Variants in FGFR3 observed in about 807,000 individuals in gnomAD.
FGFR3 encodes the protein fibroblast growth factor receptor 3, also known as FGFR-3.
In FGFR3, 25 loss-of-function variants were observed where a neutral mutation model predicts 82.9. The observed-to-expected ratio is 0.30, with a 90% CI of 0.22 to 0.42. FGFR3 has a LOEUF of 0.42. Ranked by LOEUF, FGFR3 falls within the 10% of genes least tolerant of loss-of-function variation. The probability of loss-of-function intolerance (pLI) is 1.00; values close to 1 mark genes in which losing one functional copy is unlikely to be tolerated. For synonymous variants in FGFR3, 620 were observed against 516.0 expected (o/e 1.20, Z -2.73); for missense variants, 1,026 against 1,161.0 (o/e 0.88, Z 1.69).
In FGFR3 at chr4:1,805,472, G is replaced by A; in HGVS notation, c.1530G>A (p.Leu510=). Residue 510 remains leucine, a synonymous_variant, in exon 11 of 18, where the codon CTG becomes CTA. Coordinates refer to ENST00000440486, the MANE Select transcript of FGFR3 (RefSeq NM_000142.5). ...CTGTCACCGTAGCCGTGAAGATGCT[G>A]AAAGGTGAGGAGGGGGCGGCCAGGG... ...AKPVTVAVKM[L]KDDATDKDLS... 1 of 1,612,222 alleles carries A rather than the reference G, an allele frequency of 6.2e-7. No homozygotes were observed. The highest frequency in any genetic ancestry group is 8.5e-7 in the Non-Finnish European group (1 of 1,179,510).
chr4:1,806,354 C>T (rs2108809633), intron 15 of FGFR3, 27 bp downstream of exon 15: 1 of 1,612,594 alleles, frequency 6.2e-7, no homozygotes, highest in South Asian at 1.1e-5. Context: ...GCTCAGGCTT[C>T]AGGGGTGGAG....
At position 1,807,879 on chromosome 4, in the gene FGFR3, A is replaced by G; in HGVS notation, c.*617A>G. On this transcript the variant is annotated 3_prime_UTR_variant, in exon 18 of 18. Coordinates refer to ENST00000440486, the MANE Select transcript of FGFR3 (RefSeq NM_000142.5). ...AACTAGTGTACATTTCTATAAATAG[A>G]TGCTGTGTATATGGTATATATACAT... The G allele has an allele frequency of 2.4e-6, 1 of 423,548 alleles. No homozygotes were observed. 26.2% of individuals were successfully genotyped at this position (423,548 alleles called of 1,614,324 possible).
At chr4:1,803,229 C>G (rs868728643) in intron 7 of FGFR3, 2 of 841,918 alleles carry the variant, frequency 2.4e-6, no homozygotes, top group Admixed American at 8.2e-5. Context: ...CCACGGTGAC[C>G]GCCCGCTTCG....
At position 1,803,569 on chromosome 4, in the gene FGFR3, G is replaced by A. The variant is rs3135883; in HGVS notation, c.931-123G>A. 0.97 allele frequency: 1,440,784 copies of A among 1,492,104 alleles called. 696,981 individuals carry two copies. The highest frequency in any genetic ancestry group is 1 in the East Asian group (40,402 of 40,402). The allele number at this position is 1,492,104 out of a possible 1,614,324, so 92.4% of individuals were successfully genotyped here. On this transcript the variant is annotated intron_variant, in intron 7 of 17. Coordinates refer to ENST00000440486, the MANE Select transcript of FGFR3 (RefSeq NM_000142.5). The stretch of plus-strand genomic sequence containing the variant: ...CCGCGTGGCGGTGACCAAGTTGGCG[G>A]TGGCTGAGGAGTTGGTGGTGGCGGC...
rs11943863 is a variant in FGFR3, at chr4:1,804,402, T to G, written c.1148T>G (p.Phe383Cys). Residue 383 changes from phenylalanine to cysteine, a missense_variant, in exon 9 of 18, where the codon TTC becomes TGC. Phe to Cys is a radical substitution (Grantham distance 205). Coordinates refer to ENST00000440486, the MANE Select transcript of FGFR3 (RefSeq NM_000142.5). The stretch of plus-strand genomic sequence containing the variant: ...GGCATCCTCAGCTACGGGGTGGGCT[T>G]CTTCCTGTTCATCCTGGTGGTGGCG... ...YAGILSYGVGFFLFILVVAAV... is the reference protein window; with the variant it reads ...YAGILSYGVGCFLFILVVAAV... 9.3e-6 allele frequency: 15 copies of G among 1,613,054 alleles called. No homozygotes were observed. Among genetic ancestry groups the G allele is most frequent in the African/African-American group, 5.3e-5 (4 of 74,914 alleles).
At chr4:1,795,349 C>T (rs1162913009) in intron 2 of FGFR3, among the ~76,000 whole-genome samples, 1 of 151,934 alleles carries the variant, frequency 6.6e-6, no homozygotes, top group Non-Finnish European at 1.5e-5. Flanking sequence ...AGGGCGGCGG[C>T]CAGGCTGCGG....
chr4:1,803,051 CG>C, intron 7 of FGFR3: 2 of 1,590,084 alleles, frequency 1.3e-6, no homozygotes, highest in East Asian at 2.3e-5. Context: ...TGAGCGTTCA[CG>C]GGCCCCGAGC....
intron 4 of FGFR3, 86 bp from the exon 5 acceptor site, chr4:1,801,281 G>A (rs1721136555): frequency 3.5e-6 from 5 of 1,424,840 alleles, no homozygotes; most frequent in South Asian, 1.2e-5. Context: ...CTGGGGATGG[G>A]CAGGGGCAGC....
rs547903197 is a variant in FGFR3, at chr4:1,800,727, C to T, written c.446-640C>T. On this transcript the variant is annotated intron_variant, in intron 4 of 17. Transcript: ENST00000440486. ...CTGCTTCCCTCCTGGGGAATGCCAGCCCATCCTTGCCTGGAGTCCCGGCAG... is the reference window on the plus strand; with the variant it reads ...CTGCTTCCCTCCTGGGGAATGCCAGTCCATCCTTGCCTGGAGTCCCGGCAG... Among the ~76,000 whole-genome samples, 8 of 152,164 alleles carry T rather than the reference C, an allele frequency of 5.3e-5. 1 individual carries two copies. Among genetic ancestry groups the T allele is most frequent in the Admixed American group, 5.2e-4 (8 of 15,294 alleles).
Position 1,802,036 on chromosome 4 carries a change from G to A in FGFR3, c.930+11G>A, listed in dbSNP as rs557723480. 3.7e-5 allele frequency: 59 copies of A among 1,608,366 alleles called. No individual in the cohort carries two copies. The South Asian group carries it at 5.5e-4, about 15-fold the overall frequency. On this transcript the variant is annotated intron_variant, in intron 7 of 17. Coordinates refer to ENST00000440486, the MANE Select transcript of FGFR3 (RefSeq NM_000142.5). The stretch of plus-strand genomic sequence containing the variant: ...GTTACCGTGCTCAAGGTGGGCCACC[G>A]TGTGCACGTGGGTGCCGCCGCTGGG...
chr4:1,804,770 C>A, intron 9 of FGFR3, 54 bp from the exon 10 acceptor site: 1 of 1,547,404 alleles, frequency 6.5e-7, no homozygotes, highest in Non-Finnish European at 8.7e-7. Context: ...CCCGGCTGTA[C>A]CTCCACGCCC....
chr4:1,797,563 C>T (rs760177848), intron 2 of FGFR3, among the ~76,000 whole-genome samples: 14 of 152,244 alleles, frequency 9.2e-5, no homozygotes, highest in African/African-American at 1.9e-4. Context: ...CGGAACCAAC[C>T]GGCTGTTGCC....
rs1211283507 is a variant in FGFR3, at chr4:1,808,301, G to A, written c.*1039G>A. 8.6e-6 allele frequency: 2 copies of A among 232,644 alleles called. No homozygotes were observed. The highest frequency in any genetic ancestry group is 2.2e-5 in the African/African-American group (1 of 45,256). 14.4% of individuals were successfully genotyped at this position (232,644 alleles called of 1,614,324 possible). ...GGAGGATCCCCTCCAAGCCTAAAAG[G>A]TTGTTAATAGTTGGAGGTGATTCCA... On this transcript the variant is annotated 3_prime_UTR_variant, in exon 18 of 18. Coordinates refer to ENST00000440486, the MANE Select transcript of FGFR3 (RefSeq NM_000142.5).
intron 15 of FGFR3, 89 bp downstream of exon 15, chr4:1,806,416 C>G (rs1314197850): frequency 6.9e-6 from 11 of 1,602,362 alleles, no homozygotes; most frequent in Non-Finnish European, 9.4e-6. Context: ...GGCCTGTGCC[C>G]TGGAGCTCCT....
intron 15 of FGFR3, 60 bp from the exon 16 acceptor site, chr4:1,806,486 G>T (rs953651380): frequency 1.2e-6 from 2 of 1,611,896 alleles, no homozygotes; most frequent in Non-Finnish European, 1.7e-6. Flanking sequence ...TTCCCCTGGT[G>T]CCCGCCCAGG....
At chr4:1,805,292 G>T in intron 10 of FGFR3, 63 bp from the exon 11 acceptor site, 2 of 1,599,808 alleles carry the variant, frequency 1.3e-6, no homozygotes, top group South Asian at 1.1e-5. Context: ...CTGGGGTGGG[G>T]ACCGTGGTGG....
rs1448843898 is a variant in FGFR3 at position 1,805,608 on chromosome 4, G to T, written c.1584G>T (p.Met528Ile). The T allele has an allele frequency of 1.9e-6, 3 of 1,613,232 alleles. No homozygotes were observed. The highest frequency in any genetic ancestry group is 2.5e-6 in the Non-Finnish European group (3 of 1,179,810). The change falls in exon 12 of 18, where the codon ATG becomes ATT. Residue 528 changes from methionine (M) to isoleucine (I), a missense_variant. By Grantham distance (10) the Met-to-Ile change is conservative (BLOSUM62 1). Coordinates refer to ENST00000440486, the MANE Select transcript of FGFR3 (RefSeq NM_000142.5). The stretch of plus-strand genomic sequence containing the variant: ...CGGACCTGGTGTCTGAGATGGAGAT[G>T]ATGAAGATGATCGGGAAACACAAAA... The part of the protein sequence containing the change: ...DLSDLVSEME[M>I]MKMIGKHKNI...
In FGFR3 at chr4:1,794,881, C is replaced by A. The variant is rs1164774014; in HGVS notation, c.109+838C>A. On this transcript the variant is annotated intron_variant, in intron 2 of 17. Transcript: ENST00000440486. ...GCGGCCGCGCGGAGGGAGGCCTTGGCCCGGTGAGCTCGCGCCCCACCCGGG... is the reference window on the plus strand; with the variant it reads ...GCGGCCGCGCGGAGGGAGGCCTTGGACCGGTGAGCTCGCGCCCCACCCGGG... 4.5e-4 allele frequency among the ~76,000 whole-genome samples: 68 copies of A among 151,598 alleles called. 1 individual carries two copies. Among genetic ancestry groups the A allele is most frequent in the Non-Finnish European group, 5.9e-5 (4 of 67,842 alleles).
In FGFR3 at chr4:1,801,905, C is replaced by T. The variant is rs142910057; in HGVS notation, c.810C>T (p.Asp270=). 1.7e-5 allele frequency: 27 copies of T among 1,612,126 alleles called. No individual in the cohort carries two copies. Among genetic ancestry groups the T allele is most frequent in the East Asian group, 6.7e-5 (3 of 44,864 alleles). ...PANQTAVLGS[D]VEFHCKVYSD... The stretch of plus-strand genomic sequence containing the variant: ...ACCAGACGGCGGTGCTGGGCAGCGA[C>T]GTGGAGTTCCACTGCAAGGTGTACA... The change falls in exon 7 of 18, where the codon GAC becomes GAT. Residue 270 remains aspartate, a synonymous_variant. Transcript: ENST00000440486.
Sources: allele counts gnomAD v4.1 joint callset (sites outside exome capture counted in the v4.1 genomes callset), GRCh38; gene constraint gnomAD v4.1.1; transcripts MANE v1.5; gene names NCBI Gene and HGNC (gene_info 2026-07-23, HGNC 2026-07-21).